GPC5: variants seen among roughly 807,000 people sequenced by gnomAD.
GPC5 encodes the protein glypican-5.
A neutral mutation model predicts 53.9 loss-of-function variants in GPC5; 47 were observed. The observed-to-expected ratio is 0.87, with a 90% CI of 0.69 to 1.11. The LOEUF is 1.11. GPC5 is among the 50% of genes most tolerant of loss of function. The pLI, the probability that GPC5 is intolerant of heterozygous loss-of-function variation, is 0.00. For synonymous variants in GPC5, 286 were observed against 263.3 expected, an observed-to-expected ratio of 1.09 and a Z score of -0.84; for missense variants, 748 against 713.1, an observed-to-expected ratio of 1.05 and a Z score of -0.56.
chr13:91,639,689 T>C (rs1047605565), intron 2 of GPC5, among the ~76,000 whole-genome samples: 1 of 152,222 alleles, frequency 6.6e-6, no homozygotes, highest in African/African-American at 2.4e-5. Context: ...GTCACAGTCC[T>C]GGGCCGAAAG....
chr13:92,666,632 A>G (rs1018048470), intron 7 of GPC5, among the ~76,000 whole-genome samples: 7 of 152,236 alleles, frequency 4.6e-5, no homozygotes, highest in African/African-American at 1.2e-4. Context: ...TTAGTAGACT[A>G]GTGAATTAAA....
At chr13:92,713,624 AG>A (rs1888227383) in intron 7 of GPC5, among the ~76,000 whole-genome samples, 1 of 150,984 alleles carries the variant, frequency 6.6e-6, no homozygotes, top group Non-Finnish European at 1.5e-5. Context: ...AAAAAAAAAA[AG>A]TTCAATATTT....
At chr13:92,160,048 G>A (rs1295598659) in intron 7 of GPC5, among the ~76,000 whole-genome samples, 1 of 152,004 alleles carries the variant, frequency 6.6e-6, no homozygotes, top group African/African-American at 2.4e-5. Context: ...GATTATAGGT[G>A]CACACTGCCA....
chr13:91,828,367 G>T (rs536487312), intron 5 of GPC5, among the ~76,000 whole-genome samples: 10 of 151,758 alleles, frequency 6.6e-5, no homozygotes, highest in Admixed American at 3.9e-4. Flanking sequence ...AGGTAGGTAG[G>T]TAGGTAGGTA....
intron 5 of GPC5, among the ~76,000 whole-genome samples, chr13:91,786,163 A>C (rs2037875425): frequency 6.6e-6 from 1 of 151,938 alleles, no homozygotes. Context: ...CGCCTGGCTA[A>C]TTTTTGTATT....
At chr13:92,418,595 G>A (rs1178032707) in intron 7 of GPC5, among the ~76,000 whole-genome samples, 2 of 152,126 alleles carry the variant, frequency 1.3e-5, no homozygotes, top group East Asian at 3.9e-4. Context: ...TACAATATAT[G>A]TAAGGTTATA....
At chr13:92,365,256 A>G (rs2139286864) in intron 7 of GPC5, among the ~76,000 whole-genome samples, 1 of 151,874 alleles carries the variant, frequency 6.6e-6, no homozygotes, top group African/African-American at 2.4e-5. Context: ...GATGTAGGCA[A>G]TTATAATAAA....
At chr13:91,962,149 T>C (rs908121741) in intron 6 of GPC5, among the ~76,000 whole-genome samples, 1 of 152,230 alleles carries the variant, frequency 6.6e-6, no homozygotes, top group Non-Finnish European at 1.5e-5. Context: ...TCGTTGGCAA[T>C]TTTCCTAAGA....
chr13:92,313,707 T>C (rs146022479), intron 7 of GPC5, among the ~76,000 whole-genome samples: 55 of 152,248 alleles, frequency 3.6e-4, no homozygotes, highest in African/African-American at 1.3e-3. Context: ...TCTGTTCTCA[T>C]CAACACAAGC....
At chr13:91,427,566 A>G (rs1257229919) in intron 1 of GPC5, among the ~76,000 whole-genome samples, 1 of 152,156 alleles carries the variant, frequency 6.6e-6, no homozygotes, top group Non-Finnish European at 1.5e-5. Context: ...GGAAGTAACT[A>G]ACTTGTTTTT....
At chr13:92,368,239 C>A (rs1440209080) in intron 7 of GPC5, among the ~76,000 whole-genome samples, 1 of 151,750 alleles carries the variant, frequency 6.6e-6, no homozygotes, top group Non-Finnish European at 1.5e-5. Flanking sequence ...CCCACCTCCG[C>A]CTCCCAAAGT....
At chr13:92,685,558 T>A (rs867854110) in intron 7 of GPC5, among the ~76,000 whole-genome samples, 8 of 109,728 alleles carry the variant, frequency 7.3e-5, no homozygotes, top group Non-Finnish European at 1.3e-4. Flanking sequence ...TTTTTTTTTT[T>A]AATTTTTTTT....
chr13:92,779,333 C>T (rs1875937322), intron 7 of GPC5, among the ~76,000 whole-genome samples: 1 of 152,070 alleles, frequency 6.6e-6, no homozygotes, highest in African/African-American at 2.4e-5. Context: ...AGTTAGAATT[C>T]AAGATGAGAT....
chr13:91,644,761 A>T (rs1214099724), intron 2 of GPC5, among the ~76,000 whole-genome samples: 1 of 152,160 alleles, frequency 6.6e-6, no homozygotes, highest in Admixed American at 6.5e-5. Flanking sequence ...AAATTCTTTT[A>T]AAAAAATAAC....
intron 5 of GPC5, among the ~76,000 whole-genome samples, chr13:91,894,318 C>T (rs1275770803): frequency 6.6e-6 from 1 of 152,098 alleles, no homozygotes; most frequent in Non-Finnish European, 1.5e-5. Context: ...TTTATTTCAA[C>T]ACTTGCAGTA....
At chr13:92,314,831 G>A (rs2043167793) in intron 7 of GPC5, among the ~76,000 whole-genome samples, 1 of 152,072 alleles carries the variant, frequency 6.6e-6, no homozygotes. Context: ...GGAGTGCTGT[G>A]GCATGTTTAT....
chr13:91,961,659 A>G (rs2040127079), intron 6 of GPC5, among the ~76,000 whole-genome samples: 1 of 152,104 alleles, frequency 6.6e-6, no homozygotes, highest in Non-Finnish European at 1.5e-5. Context: ...AGTTGAATGG[A>G]CAAATTATGG....
At chr13:92,799,733 T>C (rs1437514849) in intron 7 of GPC5, among the ~76,000 whole-genome samples, 1 of 151,814 alleles carries the variant, frequency 6.6e-6, no homozygotes, top group Non-Finnish European at 1.5e-5. Context: ...GTCAACCCTA[T>C]CAAGGAAACC....
chr13:92,476,549 T>A (rs1441908219), intron 7 of GPC5, among the ~76,000 whole-genome samples: 1 of 151,452 alleles, frequency 6.6e-6, no homozygotes, highest in East Asian at 1.9e-4. Flanking sequence ...ACTGGGTATA[T>A]ACCCAAAGGA....
Sources: allele counts gnomAD v4.1 joint callset (sites outside exome capture counted in the v4.1 genomes callset), GRCh38; gene constraint gnomAD v4.1.1; transcripts MANE v1.5; gene names NCBI Gene and HGNC (gene_info 2026-07-23, HGNC 2026-07-21).